Variants in PAX6 observed in about 807,000 individuals in gnomAD.
PAX6 encodes paired box protein Pax-6.
In PAX6, 7 loss-of-function variants were observed where a neutral mutation model predicts 60.7. The ratio of observed to expected loss-of-function variants is 0.12; its 90% confidence interval spans 0.07 to 0.22. The LOEUF is 0.22. PAX6 is among the 10% of genes least tolerant of loss of function. PAX6 has a pLI of 1.00. For synonymous variants in PAX6, 208 were observed against 201.2 expected (o/e 1.03, Z -0.29); for missense variants, 355 against 555.2 (o/e 0.64, Z 3.62).
chr11:31,802,524 A>G, intron 5 of PAX6, 180 bp downstream of exon 5: 1 of 580,520 alleles, frequency 1.7e-6, no homozygotes, highest in Non-Finnish European at 3.0e-6. Context: ...GAGATAGGGA[A>G]GGATGGTGGA....
chr11:31,789,238 G>A lies in PAX6; in HGVS notation c.*696C>T, dbSNP rs1391069575. 4.7e-6 allele frequency: 1 copy of A among 213,226 alleles called. No individual in the cohort carries two copies. The allele number at this position is 213,226 out of a possible 1,614,324, so 13.2% of individuals were successfully genotyped here. On this transcript the variant is annotated 3_prime_UTR_variant, in exon 14 of 14. Transcript: ENST00000640368. ...ACTTTATTATAGAAATCATTCTGAG[G>A]ATTTCTAGGGAAGACAAATACTTAC...
chr11:31,800,490 C>T (rs1953328226), intron 8 of PAX6: 1 of 726,198 alleles, frequency 1.4e-6, no homozygotes, highest in Admixed American at 2.0e-5. Context: ...ATACACAACC[C>T]TCACATTCCC....
chr11:31,811,270 T>G lies in PAX6; in HGVS notation c.-472A>C, dbSNP rs537507423. The G allele has an allele frequency of 2.5e-6, 1 of 399,084 alleles. No homozygotes were observed. The highest frequency in any genetic ancestry group is 2.1e-5 in the African/African-American group (1 of 48,766). The allele number at this position is 399,084 out of a possible 1,614,324, so 24.7% of individuals were successfully genotyped here. Reference sequence around the variant, plus strand: ...CCTGCGCCTGAACCAGAGCGGGAAATGAGGCCGAGCCACGGTTCCCTTTTC... The same window carrying G: ...CCTGCGCCTGAACCAGAGCGGGAAAGGAGGCCGAGCCACGGTTCCCTTTTC... On this transcript the variant is annotated 5_prime_UTR_variant, in exon 1 of 14. Coordinates refer to ENST00000640368, the MANE Select transcript of PAX6 (RefSeq NM_001368894.2).
intron 5 of PAX6, chr11:31,802,433 G>A (rs1954307226): frequency 4.3e-6 from 2 of 464,648 alleles, no homozygotes; most frequent in African/African-American, 3.9e-5. Context: ...AATAAAAAGA[G>A]AAAGATTTTT....
intron 2 of PAX6, chr11:31,808,344 C>T (rs1289769300): frequency 1.3e-5 from 2 of 152,174 alleles, no homozygotes; most frequent in Non-Finnish European, 2.9e-5. Flanking sequence ...TAAATACTGG[C>T]CACAGCAGAG....
At chr11:31,817,562 C>G (rs1957437190) in intron 1 of PAX6, among the ~76,000 whole-genome samples, 1 of 152,256 alleles carries the variant, frequency 6.6e-6, no homozygotes, top group Non-Finnish European at 1.5e-5. Flanking sequence ...TGGAAGTCCA[C>G]TCTTAGGAGT....
chr11:31,795,075 A>G (rs887837060), intron 8 of PAX6, among the ~76,000 whole-genome samples: 2 of 152,224 alleles, frequency 1.3e-5, no homozygotes, highest in Non-Finnish European at 2.9e-5. Context: ...ATGATCTTTT[A>G]TAAGTAACCC....
At chr11:31,806,312 G>A in intron 4 of PAX6, 90 bp downstream of exon 4, 1 of 1,476,858 alleles carries the variant, frequency 6.8e-7, no homozygotes, top group Admixed American at 2.0e-5. Context: ...GGCCGGGCCA[G>A]CGCGGGCGTC....
intron 8 of PAX6, chr11:31,800,462 C>A: frequency 6.2e-6 from 4 of 644,046 alleles, no homozygotes; most frequent in South Asian, 5.3e-5. Flanking sequence ...CACCAGCCAC[C>A]TTCATACCGC....
In PAX6 at chr11:31,789,487, T is replaced by A. The variant is rs938966028; in HGVS notation, c.*447A>T. On this transcript the variant is annotated 3_prime_UTR_variant, in exon 14 of 14. Coordinates refer to ENST00000640368, the MANE Select transcript of PAX6 (RefSeq NM_001368894.2). Reference sequence around the variant, plus strand: ...GATACAAACTTGGAACATCAGTCCATAAACTATGAACAGATGGGTAGAAGT... The same window carrying A: ...GATACAAACTTGGAACATCAGTCCAAAAACTATGAACAGATGGGTAGAAGT... The A allele has an allele frequency of 1.8e-6, 1 of 542,778 alleles. No homozygotes were observed. The highest frequency in any genetic ancestry group is 3.5e-5 in the Admixed American group (1 of 28,344). The allele number at this position is 542,778 out of a possible 1,614,324, so 33.6% of individuals were successfully genotyped here. A position where few individuals can be genotyped will look rare whatever the true frequency, so the allele number is the denominator to read the frequency against.
upstream of PAX6, chr11:31,814,673 G>GGGAGCCTTT (rs1957286463): frequency 6.6e-6 from 1 of 152,436 alleles, no homozygotes; most frequent in Admixed American, 6.5e-5. Flanking sequence ...AACGGGTCCA[G>GGGAGCCTTT]TGAGCCCTAA....
At chr11:31,815,203 CAT>C (rs1474363918), upstream of PAX6, among the ~76,000 whole-genome samples, 1 of 152,166 alleles carries the variant, frequency 6.6e-6, no homozygotes, top group East Asian at 1.9e-4. Flanking sequence ...AAACTCCTGA[CAT>C]GTAGGACAAC....
chr11:31,813,521 T>C (rs1957231408), upstream of PAX6, among the ~76,000 whole-genome samples: 1 of 152,014 alleles, frequency 6.6e-6, no homozygotes, highest in African/African-American at 2.4e-5. Context: ...CTTGTTGCTA[T>C]TTCCCCCCAG....
intron 2 of PAX6, chr11:31,807,566 G>C (rs3026359): frequency 1.3e-5 from 2 of 152,184 alleles, no homozygotes; most frequent in African/African-American, 4.8e-5. Flanking sequence ...CACTTATTGT[G>C]ATTAACTTCT....
In PAX6 at chr11:31,794,020, G is replaced by A; in HGVS notation, c.807+12C>T. ...GAATCACAAAGTGTGAAACTGCACAGTCTCTCGGTACCTGTATTCTTGCTT... is the reference window on the plus strand; with the variant it reads ...GAATCACAAAGTGTGAAACTGCACAATCTCTCGGTACCTGTATTCTTGCTT... On this transcript the variant is annotated intron_variant, in intron 10 of 13. Transcript: ENST00000640368. 3.8e-6 allele frequency: 6 copies of A among 1,575,604 alleles called. No homozygotes were observed. The highest frequency in any genetic ancestry group is 5.2e-6 in the Non-Finnish European group (6 of 1,144,798).
chr11:31,804,366 C>A (rs1955073508), intron 4 of PAX6: 1 of 152,198 alleles, frequency 6.6e-6, no homozygotes, highest in Admixed American at 6.5e-5. Flanking sequence ...ATCACTCAGA[C>A]GAGATTGAAC....
At chr11:31,802,139 CTTAAAGTGGCGTTATGT>C in intron 5 of PAX6, 2 of 554,764 alleles carry the variant, frequency 3.6e-6, no homozygotes, top group Non-Finnish European at 6.4e-6. Context: ...GCTGACCTTG[CTTAAAGTGGCGTTATGT>C]TTTAAAGAAC....
chr11:31,808,983 G>A lies in PAX6; in HGVS notation c.-129+1845C>T, dbSNP rs559591305. Among the ~76,000 whole-genome samples, 13 of 152,290 alleles carry A rather than the reference G, an allele frequency of 8.5e-5. No homozygotes were observed. In the South Asian group the frequency reaches 1.9e-3, roughly 22 times the overall value. On this transcript the variant is annotated intron_variant, in intron 2 of 13. Transcript: ENST00000640368. ...CTCCAGACATTTTGGAGTCGCCCCA[G>A]CCTTGGACCACAAGAGAGTGGTCAC... is the stretch of plus-strand genomic sequence containing the variant.
chr11:31,794,551 G>C, intron 9 of PAX6, 79 bp downstream of exon 9: 3 of 1,434,854 alleles, frequency 2.1e-6, no homozygotes. Context: ...AAAGGGCCCT[G>C]GCTAAATTTA....
Sources: allele counts gnomAD v4.1 joint callset (sites outside exome capture counted in the v4.1 genomes callset), GRCh38; gene constraint gnomAD v4.1.1; transcripts MANE v1.5; gene names NCBI Gene and HGNC (gene_info 2026-07-23, HGNC 2026-07-21).